The following CNTNAP2 variants were observed in gnomAD, a reference collection of about 807,000 sequenced individuals.
CNTNAP2 encodes the protein contactin-associated protein-like 2.
In CNTNAP2, 98 loss-of-function variants were observed where a neutral mutation model predicts 155.2. The observed-to-expected ratio is 0.63, with a 90% CI of 0.54 to 0.75. The LOEUF (loss-of-function observed/expected upper bound fraction) is 0.75. Among genes scored for constraint, CNTNAP2 ranks in the 30% least tolerant of loss-of-function variants. The pLI is 0.00. For missense variants in CNTNAP2, 1,727 were observed against 1,688.1 expected, an observed-to-expected ratio of 1.02 and a Z score of -0.40; for synonymous variants, 651 against 631.2, an observed-to-expected ratio of 1.03 and a Z score of -0.47.
chr7:147,622,379 T>C (rs1048362867), intron 12 of CNTNAP2, among the ~76,000 whole-genome samples: 7 of 152,212 alleles, frequency 4.6e-5, no homozygotes, highest in Non-Finnish European at 1.0e-4. Context: ...ATAGACCATA[T>C]GTTAGGTCAC....
At chr7:147,364,941 A>G (rs1157092238) in intron 9 of CNTNAP2, among the ~76,000 whole-genome samples, 1 of 152,126 alleles carries the variant, frequency 6.6e-6, no homozygotes, top group Non-Finnish European at 1.5e-5. Context: ...AGGAACAAAG[A>G]GTTTATAAAA....
chr7:146,386,601 GTCT>G (rs1238813571), intron 1 of CNTNAP2, among the ~76,000 whole-genome samples: 1 of 152,114 alleles, frequency 6.6e-6, no homozygotes, highest in African/African-American at 2.4e-5. Context: ...TTGGAGACTG[GTCT>G]TGAACTCCTG....
At chr7:146,385,630 T>C (rs932162051) in intron 1 of CNTNAP2, among the ~76,000 whole-genome samples, 3 of 152,212 alleles carry the variant, frequency 2.0e-5, no homozygotes, top group Non-Finnish European at 2.9e-5. Flanking sequence ...ATTCCATTTA[T>C]AATTAGGGAT....
intron 1 of CNTNAP2, among the ~76,000 whole-genome samples, chr7:146,259,668 A>G (rs1177816750): frequency 6.6e-6 from 1 of 152,194 alleles, no homozygotes; most frequent in South Asian, 2.1e-4. Context: ...TGAAGACGTG[A>G]CCTGGCTGAG....
At chr7:147,725,514 T>C (rs1796626340) in intron 13 of CNTNAP2, among the ~76,000 whole-genome samples, 1 of 152,046 alleles carries the variant, frequency 6.6e-6, no homozygotes, top group African/African-American at 2.4e-5. Flanking sequence ...ATATCATTAT[T>C]AGTGGGAAGC....
chr7:147,897,928 G>A (rs2373272), intron 13 of CNTNAP2, among the ~76,000 whole-genome samples: 3,333 of 152,256 alleles, frequency 0.022, 127 homozygotes, highest in East Asian at 0.17. Flanking sequence ...CACAGCCCCC[G>A]CATGCTGGGA....
chr7:147,961,180 A>G (rs1190056871), intron 14 of CNTNAP2, among the ~76,000 whole-genome samples: 1 of 152,042 alleles, frequency 6.6e-6, no homozygotes, highest in Non-Finnish European at 1.5e-5. Flanking sequence ...CCTAACTTCT[A>G]TCTCCTGCTC....
intron 8 of CNTNAP2, among the ~76,000 whole-genome samples, chr7:147,250,737 T>C (rs1804179158): frequency 1.3e-5 from 2 of 152,136 alleles, no homozygotes. Context: ...TGGCTCCTTG[T>C]ATCATCTACA....
At position 148,419,129 on chromosome 7, in the gene CNTNAP2, A is replaced by G. The variant is rs1396607931; in HGVS notation, c.*3513A>G. 1 of 152,010 alleles carries G rather than the reference A, an allele frequency of 6.6e-6. No individual in the cohort carries two copies. Among genetic ancestry groups the G allele is most frequent in the Non-Finnish European group, 1.5e-5 (1 of 68,014 alleles). 9.4% of individuals were successfully genotyped at this position (152,010 alleles called of 1,614,324 possible). A position where few individuals can be genotyped will look rare whatever the true frequency, so the allele number is the denominator to read the frequency against. ...TTTTCTCTCTTCCTCTCCTCACCAC[A>G]TTATACCCTGCTCTTACGCAGTAAA... is the stretch of plus-strand genomic sequence containing the variant. On this transcript the variant is annotated 3_prime_UTR_variant, in exon 24 of 24. Transcript: ENST00000361727.
chr7:146,566,450 T>A (rs1031224129), intron 1 of CNTNAP2, among the ~76,000 whole-genome samples: 3 of 152,142 alleles, frequency 2.0e-5, no homozygotes, highest in African/African-American at 7.2e-5. Context: ...ACTAAAAAAG[T>A]AGAATATTTA....
chr7:147,127,286 C>CT (rs1158440783), intron 6 of CNTNAP2, among the ~76,000 whole-genome samples: 2 of 151,712 alleles, frequency 1.3e-5, no homozygotes, highest in East Asian at 3.9e-4. Context: ...CTCAATTTTC[C>CT]TTTTACCTTC....
intron 20 of CNTNAP2, among the ~76,000 whole-genome samples, chr7:148,241,523 T>C (rs1796158024): frequency 6.6e-6 from 1 of 152,184 alleles, no homozygotes; most frequent in Non-Finnish European, 1.5e-5. Flanking sequence ...TATAAGCTTG[T>C]GCTGTGGGAG....
intron 13 of CNTNAP2, among the ~76,000 whole-genome samples, chr7:147,819,379 C>T (rs1798326699): frequency 1.3e-5 from 2 of 152,026 alleles, no homozygotes; most frequent in South Asian, 4.1e-4. Flanking sequence ...CAGTCAGTGC[C>T]CATTATATAT....
At position 146,211,548 on chromosome 7, in the gene CNTNAP2, AAC is replaced by A. The variant is rs548052747; in HGVS notation, c.97+94577_97+94578del. Among the ~76,000 whole-genome samples the A allele has an allele frequency of 3.0e-4, 45 of 152,226 alleles. 1 individual carries two copies. The South Asian group carries it at 3.9e-3, about 13-fold the overall frequency. On this transcript the variant is annotated intron_variant, in intron 1 of 23. Coordinates refer to ENST00000361727, the MANE Select transcript of CNTNAP2 (RefSeq NM_014141.6). Reference sequence around the variant, plus strand: ...TGTTTTCCTTAGTCCAAATTTTAGTAACAGTTTTGTGCTTTGGATCCTGTCCT... The same window carrying A: ...TGTTTTCCTTAGTCCAAATTTTAGTAAGTTTTGTGCTTTGGATCCTGTCCT...
chr7:147,807,591 C>T (rs1798111353), intron 13 of CNTNAP2, among the ~76,000 whole-genome samples: 1 of 152,108 alleles, frequency 6.6e-6, no homozygotes, highest in African/African-American at 2.4e-5. Context: ...ATCCATCAAT[C>T]GAGTGCCTAG....
At chr7:147,368,096 T>TCACA (rs5888250) in intron 9 of CNTNAP2, among the ~76,000 whole-genome samples, 20,450 of 116,774 alleles carry the variant, frequency 0.18, 1,753 homozygotes, top group South Asian at 0.3. Flanking sequence ...TCTCTCTCTG[T>TCACA]CACACACACA....
intron 8 of CNTNAP2, among the ~76,000 whole-genome samples, chr7:147,285,890 A>G (rs973751047): frequency 6.6e-6 from 1 of 152,086 alleles, no homozygotes; most frequent in Non-Finnish European, 1.5e-5. Context: ...TCCCAGTTGG[A>G]TACCAAACTA....
At chr7:147,771,498 A>G (rs1797468783) in intron 13 of CNTNAP2, among the ~76,000 whole-genome samples, 1 of 152,204 alleles carries the variant, frequency 6.6e-6, no homozygotes, top group Admixed American at 6.5e-5. Flanking sequence ...CAGGGAGGCT[A>G]CAGCTGCAAG....
At chr7:146,339,946 G>A (rs1320197968) in intron 1 of CNTNAP2, among the ~76,000 whole-genome samples, 2 of 152,002 alleles carry the variant, frequency 1.3e-5, no homozygotes, top group African/African-American at 4.8e-5. Context: ...CGAGGCGGGC[G>A]GATCACGAGG....
Sources: allele counts gnomAD v4.1 joint callset (sites outside exome capture counted in the v4.1 genomes callset), GRCh38; gene constraint gnomAD v4.1.1; transcripts MANE v1.5; gene names NCBI Gene and HGNC (gene_info 2026-07-23, HGNC 2026-07-21).